The following CSTPP1 variants were observed in gnomAD, a reference collection of about 807,000 sequenced individuals.
The protein encoded by CSTPP1 is centriolar satellite-associated tubulin polyglutamylase complex regulator 1, also known as UPF0705 protein C11orf49.
At chr11:47,137,517 T>A in the CSTPP1 span, 12 of 1,539,052 alleles carry the variant, frequency 7.8e-6, no homozygotes, top group Non-Finnish European at 1.0e-5. Context: ...TAGCATACCC[T>A]TCACACTGAC....
the CSTPP1 span, among the ~76,000 whole-genome samples, chr11:47,071,964 A>C: frequency 6.6e-6 from 1 of 152,366 alleles, no homozygotes; most frequent in African/African-American, 2.4e-5. Flanking sequence ...GCAGTGAGGA[A>C]GAAATCCCCC....
At chr11:47,099,476 G>C in the CSTPP1 span, among the ~76,000 whole-genome samples, 1 of 152,126 alleles carries the variant, frequency 6.6e-6, no homozygotes, top group African/African-American at 2.4e-5. Context: ...TCACCCTGGA[G>C]ACTCCTAGGG....
the CSTPP1 span, among the ~76,000 whole-genome samples, chr11:47,141,534 G>C: frequency 6.6e-6 from 1 of 152,054 alleles, no homozygotes; most frequent in Non-Finnish European, 1.5e-5. Flanking sequence ...TTGAGCCTGG[G>C]GGGCAGAGGT....
the CSTPP1 span, among the ~76,000 whole-genome samples, chr11:47,148,574 G>C: frequency 1.3e-5 from 2 of 152,202 alleles, no homozygotes; most frequent in East Asian, 1.9e-4. Flanking sequence ...TAGATCGCTG[G>C]CTTCTGCCTG....
At chr11:46,965,520 T>G in the CSTPP1 span, among the ~76,000 whole-genome samples, 2 of 152,302 alleles carry the variant, frequency 1.3e-5, no homozygotes, top group East Asian at 3.9e-4. Context: ...CCACCGTGCC[T>G]GGCCTAAAGA....
At chr11:46,958,248 C>T in the CSTPP1 span, among the ~76,000 whole-genome samples, 2 of 152,004 alleles carry the variant, frequency 1.3e-5, no homozygotes, top group Admixed American at 6.6e-5. Flanking sequence ...GATTCTCCTG[C>T]CTTGGCCTCC....
the CSTPP1 span, among the ~76,000 whole-genome samples, chr11:47,042,924 G>A: frequency 1.3e-5 from 2 of 152,150 alleles, no homozygotes; most frequent in East Asian, 3.9e-4. Context: ...TTCATGACTT[G>A]GGCCTCTTAT....
chr11:46,984,742 A>G, the CSTPP1 span, among the ~76,000 whole-genome samples: 3 of 151,878 alleles, frequency 2.0e-5, no homozygotes, highest in African/African-American at 7.3e-5. Context: ...TCTACCATCA[A>G]AAAGAAAAAA....
chr11:47,074,501 GAAAA>G, the CSTPP1 span, among the ~76,000 whole-genome samples: 112 of 115,178 alleles, frequency 9.7e-4, no homozygotes, highest in South Asian at 1.9e-3. Context: ...TCCTGTCTCA[GAAAA>G]AAAAAAAAAA....
the CSTPP1 span, among the ~76,000 whole-genome samples, chr11:47,075,089 C>T: frequency 6.6e-6 from 1 of 152,118 alleles, no homozygotes; most frequent in Non-Finnish European, 1.5e-5. Context: ...AATTGTAATA[C>T]GTCAGGTGTG....
chr11:47,016,566 T>G, the CSTPP1 span, among the ~76,000 whole-genome samples: 1 of 152,278 alleles, frequency 6.6e-6, no homozygotes, highest in East Asian at 1.9e-4. Flanking sequence ...ACAAAATACT[T>G]AGAAATAATT....
the CSTPP1 span, among the ~76,000 whole-genome samples, chr11:47,062,733 C>T: frequency 4.6e-5 from 7 of 152,312 alleles, no homozygotes; most frequent in East Asian, 5.8e-4. Flanking sequence ...AACTAGTAGT[C>T]GGCTAACTAC....
the CSTPP1 span, among the ~76,000 whole-genome samples, chr11:46,998,034 T>C: frequency 6.6e-6 from 1 of 152,124 alleles, no homozygotes; most frequent in Non-Finnish European, 1.5e-5. Flanking sequence ...AGGCAGTCTT[T>C]CCATTCTCAG....
chr11:46,974,716 G>T, the CSTPP1 span, among the ~76,000 whole-genome samples: 1 of 151,664 alleles, frequency 6.6e-6, no homozygotes, highest in Admixed American at 6.6e-5. Context: ...TTAGCTGGGT[G>T]TGGTGGTGTG....
the CSTPP1 span, among the ~76,000 whole-genome samples, chr11:47,060,056 A>T: frequency 6.6e-6 from 1 of 151,272 alleles, no homozygotes; most frequent in Non-Finnish European, 1.5e-5. Context: ...GTGAGCCAAG[A>T]TCATGCCACT....
the CSTPP1 span, among the ~76,000 whole-genome samples, chr11:47,016,610 A>G: frequency 6.6e-6 from 1 of 152,128 alleles, no homozygotes; most frequent in Non-Finnish European, 1.5e-5. Context: ...ATTACAAAAC[A>G]TTGCTGAGAG....
At chr11:46,963,540 C>T in the CSTPP1 span, among the ~76,000 whole-genome samples, 2 of 151,612 alleles carry the variant, frequency 1.3e-5, no homozygotes, top group Admixed American at 6.6e-5. Context: ...GGGCCGGGCG[C>T]GAGAAGGCCT....
chr11:47,070,563 A>T, the CSTPP1 span, among the ~76,000 whole-genome samples: 7 of 152,308 alleles, frequency 4.6e-5, no homozygotes, highest in Non-Finnish European at 1.0e-4. Flanking sequence ...GGAAACATTA[A>T]GCGGTTTCAA....
At chr11:47,097,907 C>G in the CSTPP1 span, among the ~76,000 whole-genome samples, 16 of 40,830 alleles carry the variant, frequency 3.9e-4, no homozygotes, top group Non-Finnish European at 5.8e-4. Flanking sequence ...GGATGGTTGC[C>G]GTGTCTGTGT....
Sources: allele counts gnomAD v4.1 joint callset (sites outside exome capture counted in the v4.1 genomes callset), GRCh38; gene constraint gnomAD v4.1.1; transcripts MANE v1.5; gene names NCBI Gene and HGNC (gene_info 2026-07-23, HGNC 2026-07-21).